The following FMN1 variants were observed in gnomAD, a reference collection of about 807,000 sequenced individuals.
The protein encoded by FMN1 is formin-1.
In FMN1, 110 loss-of-function variants were observed where a neutral mutation model predicts 132.4. That is an observed-to-expected ratio of 0.83 (90% confidence interval 0.71 to 0.97). The LOEUF is 0.97. Among genes scored for constraint, FMN1 ranks in the 50% least tolerant of loss-of-function variants. FMN1 has a pLI of 0.00. For synonymous variants in FMN1, 722 were observed against 651.7 expected, an observed-to-expected ratio of 1.11 and a Z score of -1.64; for missense variants, 1,792 against 1,705.3, an observed-to-expected ratio of 1.05 and a Z score of -0.90.
At chr15:33,175,514 G>C (rs983780453) in intron 3 of FMN1, among the ~76,000 whole-genome samples, 9 of 152,078 alleles carry the variant, frequency 5.9e-5, no homozygotes, top group African/African-American at 1.9e-4. Flanking sequence ...CCTCTATTTT[G>C]AAAGAAATTC....
chr15:33,016,576 G>A (rs2035057613), intron 6 of FMN1, among the ~76,000 whole-genome samples: 1 of 152,230 alleles, frequency 6.6e-6, no homozygotes, highest in Non-Finnish European at 1.5e-5. Flanking sequence ...GTAGTCAACA[G>A]CTGCCAGCAG....
At chr15:33,094,352 T>A (rs1411711204) in intron 4 of FMN1, among the ~76,000 whole-genome samples, 1 of 152,212 alleles carries the variant, frequency 6.6e-6, no homozygotes, top group Non-Finnish European at 1.5e-5. Flanking sequence ...TTTCCTGTTT[T>A]AAGTAAAGAA....
At chr15:32,849,103 C>A (rs566597448) in intron 17 of FMN1, among the ~76,000 whole-genome samples, 65 of 149,960 alleles carry the variant, frequency 4.3e-4, no homozygotes, top group African/African-American at 1.4e-3. Context: ...CCTGCCTCAG[C>A]CTGTTGAGTA....
intron 17 of FMN1, among the ~76,000 whole-genome samples, chr15:32,829,544 C>T (rs2058452488): frequency 6.6e-6 from 1 of 152,154 alleles, no homozygotes; most frequent in South Asian, 2.1e-4. Flanking sequence ...TAATCAAGAG[C>T]CCGTGCCTTC....
intron 6 of FMN1, among the ~76,000 whole-genome samples, chr15:33,015,580 A>G (rs1175521276): frequency 1.3e-5 from 2 of 152,184 alleles, no homozygotes; most frequent in African/African-American, 4.8e-5. Flanking sequence ...AACTTTCTGA[A>G]TTCTCCACTG....
At chr15:33,019,069 G>A (rs1345111602) in intron 6 of FMN1, among the ~76,000 whole-genome samples, 6 of 152,192 alleles carry the variant, frequency 3.9e-5, no homozygotes, top group African/African-American at 9.7e-5. Flanking sequence ...GGCTCCGGCA[G>A]CCTGCTTTTA....
chr15:32,910,344 G>T (rs567058076), intron 11 of FMN1, 130 bp downstream of exon 11: 2 of 690,722 alleles, frequency 2.9e-6, no homozygotes, highest in African/African-American at 3.6e-5. Flanking sequence ...ATTCAAGCTT[G>T]TGTTTCTATG....
At chr15:33,070,154 C>T (rs1327407969) in intron 5 of FMN1, among the ~76,000 whole-genome samples, 1 of 151,474 alleles carries the variant, frequency 6.6e-6, no homozygotes, top group Non-Finnish European at 1.5e-5. Context: ...TACAGGAATG[C>T]GCTAGCACAC....
chr15:32,985,646 C>T (rs2033017747), intron 7 of FMN1, among the ~76,000 whole-genome samples: 1 of 152,162 alleles, frequency 6.6e-6, no homozygotes, highest in Non-Finnish European at 1.5e-5. Context: ...AGCCAGGTCA[C>T]AGCTGCTAAG....
At chr15:32,967,008 T>C (rs1003950552) in intron 8 of FMN1, among the ~76,000 whole-genome samples, 2 of 152,194 alleles carry the variant, frequency 1.3e-5, no homozygotes, top group Admixed American at 6.5e-5. Context: ...TAACACATCA[T>C]AGAGGGGCAG....
chr15:32,979,000 C>T (rs2032428633), intron 7 of FMN1, among the ~76,000 whole-genome samples: 1 of 152,126 alleles, frequency 6.6e-6, no homozygotes, highest in African/African-American at 2.4e-5. Flanking sequence ...AAAGATGAAA[C>T]TTATACATAA....
intron 5 of FMN1, among the ~76,000 whole-genome samples, chr15:33,076,124 G>A (rs1417840387): frequency 6.6e-6 from 1 of 152,184 alleles, no homozygotes; most frequent in African/African-American, 2.4e-5. Flanking sequence ...GGGGATGAGG[G>A]TTGGTGGGTA....
At chr15:33,024,181 C>T (rs775210875) in intron 6 of FMN1, among the ~76,000 whole-genome samples, 6 of 147,746 alleles carry the variant, frequency 4.1e-5, no homozygotes, top group South Asian at 2.1e-4. Flanking sequence ...CTCAGGACAG[C>T]GCAAATTAAA....
chr15:33,069,118 C>T (rs2037883460), intron 5 of FMN1, among the ~76,000 whole-genome samples: 2 of 152,232 alleles, frequency 1.3e-5, no homozygotes, highest in African/African-American at 4.8e-5. Flanking sequence ...AGTCAGATCT[C>T]TATCACAGAC....
intron 6 of FMN1, among the ~76,000 whole-genome samples, chr15:33,060,211 G>A (rs2037421519): frequency 6.6e-6 from 1 of 152,194 alleles, no homozygotes; most frequent in Non-Finnish European, 1.5e-5. Flanking sequence ...CGGTGAAAGA[G>A]AAAATTAAGA....
At chr15:32,936,721 G>A (rs1203707832) in intron 9 of FMN1, among the ~76,000 whole-genome samples, 2 of 151,770 alleles carry the variant, frequency 1.3e-5, no homozygotes, top group Non-Finnish European at 1.5e-5. Flanking sequence ...AGGAAGGAAG[G>A]AGAAGAAGAA....
intron 4 of FMN1, among the ~76,000 whole-genome samples, chr15:33,095,340 T>C (rs1431385131): frequency 6.6e-6 from 1 of 151,952 alleles, no homozygotes; most frequent in Non-Finnish European, 1.5e-5. Flanking sequence ...AGAGTAAGAC[T>C]GTCTCAAAAA....
intron 8 of FMN1, 56 bp from the exon 9 acceptor site, chr15:32,964,313 T>C: frequency 1.7e-6 from 2 of 1,210,366 alleles, no homozygotes; most frequent in South Asian, 1.7e-5. Flanking sequence ...AGGAATGTAA[T>C]ACAATGAAAT....
intron 15 of FMN1, 121 bp downstream of exon 15, chr15:32,898,713 T>C (rs1386940557): frequency 9.1e-6 from 6 of 660,936 alleles, no homozygotes; most frequent in African/African-American, 1.8e-5. Flanking sequence ...TAAACCACGC[T>C]GGAGAGCTCT....
Sources: gnomAD v4.1 joint callset for allele counts (sites outside exome capture counted in the v4.1 genomes callset) on GRCh38, gnomAD v4.1.1 for gene constraint, MANE v1.5 for transcripts, NCBI Gene and HGNC (gene_info 2026-07-23, HGNC 2026-07-21) for gene names.